Variants in ATP8A2 observed in about 807,000 individuals in gnomAD.
The protein encoded by ATP8A2 is ATPase phospholipid transporting 8A2.
In ATP8A2, 100 loss-of-function variants were observed where a neutral mutation model predicts 165.6. That is an observed-to-expected ratio of 0.60 (90% confidence interval 0.51 to 0.71). The LOEUF (loss-of-function observed/expected upper bound fraction) is 0.71. ATP8A2 is among the 30% of genes least tolerant of loss of function. The probability of loss-of-function intolerance (pLI) is 0.00; values close to 1 mark genes in which losing one functional copy is unlikely to be tolerated. For missense variants in ATP8A2, 1,227 were observed against 1,479.5 expected, an observed-to-expected ratio of 0.83 and a Z score of 2.80; for synonymous variants, 543 against 548.8, an observed-to-expected ratio of 0.99 and a Z score of 0.15.
At chr13:25,527,707 T>A (rs185034990) in intron 2 of ATP8A2, among the ~76,000 whole-genome samples, 7 of 152,278 alleles carry the variant, frequency 4.6e-5, no homozygotes, top group Non-Finnish European at 1.0e-4. Flanking sequence ...CCTCTTATAT[T>A]TCATTTTTTG....
rs2038338260 is a variant in ATP8A2, at chr13:25,537,858, C to T, written c.508-130C>T. The T allele has an allele frequency of 2.3e-5, 12 of 523,896 alleles. No individual in the cohort carries two copies. The South Asian group carries it at 5.3e-4, about 23-fold the overall frequency. The allele number at this position is 523,896 out of a possible 1,614,324, so 32.5% of individuals were successfully genotyped here. A position where few individuals can be genotyped will look rare whatever the true frequency, so the allele number is the denominator to read the frequency against. ...TTCTTGTCAAGGAAAATAATTTGGGCTTCTCTATCTTAAACTTCATGGCTT... is the reference window on the plus strand; with the variant it reads ...TTCTTGTCAAGGAAAATAATTTGGGTTTCTCTATCTTAAACTTCATGGCTT... On this transcript the variant is annotated intron_variant, in intron 6 of 36. Transcript: ENST00000381655.
At chr13:25,384,351 T>G (rs2032962954) in intron 1 of ATP8A2, among the ~76,000 whole-genome samples, 1 of 152,242 alleles carries the variant, frequency 6.6e-6, no homozygotes, top group Non-Finnish European at 1.5e-5. Flanking sequence ...AATCTGACAC[T>G]GGGTCTTTCT....
chr13:25,525,592 G>A (rs192515928), intron 2 of ATP8A2, among the ~76,000 whole-genome samples: 125 of 152,196 alleles, frequency 8.2e-4, no homozygotes, highest in Non-Finnish European at 1.4e-3. Context: ...TTCTTGGATG[G>A]AAATTTTTTT....
At chr13:25,677,678 G>A (rs2042399358) in intron 24 of ATP8A2, among the ~76,000 whole-genome samples, 1 of 152,210 alleles carries the variant, frequency 6.6e-6, no homozygotes, top group Admixed American at 6.5e-5. Flanking sequence ...CAACGGGAGA[G>A]AGATAGGTGG....
intron 24 of ATP8A2, among the ~76,000 whole-genome samples, chr13:25,648,055 C>T (rs373502808): frequency 7.2e-5 from 11 of 152,140 alleles, no homozygotes; most frequent in African/African-American, 1.7e-4. Flanking sequence ...TGCTATTATG[C>T]GTAGGCCAGG....
intron 25 of ATP8A2, among the ~76,000 whole-genome samples, chr13:25,712,219 T>G (rs898736862): frequency 2.6e-5 from 4 of 152,114 alleles, no homozygotes; most frequent in African/African-American, 9.7e-5. Flanking sequence ...CTCTTTGACT[T>G]TTGGCTTAAT....
chr13:25,980,472 C>T (rs556010650), intron 35 of ATP8A2, among the ~76,000 whole-genome samples: 1 of 152,158 alleles, frequency 6.6e-6, no homozygotes, highest in Non-Finnish European at 1.5e-5. Context: ...GGGAGGGATG[C>T]TCGGTGTGAC....
chr13:25,736,913 C>T (rs939790210), intron 25 of ATP8A2, among the ~76,000 whole-genome samples: 3 of 152,098 alleles, frequency 2.0e-5, no homozygotes, highest in Non-Finnish European at 4.4e-5. Context: ...AATGAGATAA[C>T]TATCGATTGG....
chr13:25,774,934 AG>A lies in ATP8A2; in HGVS notation c.2655del (p.Asn886ThrfsTer33), dbSNP rs1593326999. 1 of 1,611,520 alleles carries A rather than the reference AG, an allele frequency of 6.2e-7. No homozygotes were observed. Among genetic ancestry groups the A allele is most frequent in the Non-Finnish European group, 8.5e-7 (1 of 1,177,680 alleles). Reference sequence around the variant, plus strand: ...AAGTGCATCTTGTACTGCTTCTATAAGAACGTGGTCCTGTATATTATTGAGG... The same window carrying A: ...AAGTGCATCTTGTACTGCTTCTATAAAACGTGGTCCTGTATATTATTGAGG... Reference protein sequence around the residue: ...VTKCILYCFYKNVVLYIIELW... With the variant: ...VTKCILYCFYXNVVLYIIELW... On this transcript the variant is annotated frameshift_variant, in exon 27 of 37. Coordinates refer to ENST00000381655, the MANE Select transcript of ATP8A2 (RefSeq NM_016529.6). LOFTEE classifies it high-confidence loss of function.
intron 24 of ATP8A2, among the ~76,000 whole-genome samples, chr13:25,684,525 G>A (rs1164178513): frequency 1.3e-5 from 2 of 152,154 alleles, no homozygotes; most frequent in Non-Finnish European, 2.9e-5. Context: ...TAATCAGTTG[G>A]TGAAAGCACA....
rs578122584 is a variant in ATP8A2, at chr13:25,935,605, G to A, written c.3184-25970G>A. Reference sequence around the variant, plus strand: ...TTCCAGTAATGGTTGAAGGCAAAGCGGGAGCTGGTATATCACATGCAAGGG... The same window carrying A: ...TTCCAGTAATGGTTGAAGGCAAAGCAGGAGCTGGTATATCACATGCAAGGG... On this transcript the variant is annotated intron_variant, in intron 33 of 36. Coordinates refer to ENST00000381655, the MANE Select transcript of ATP8A2 (RefSeq NM_016529.6). 6.8e-4 allele frequency among the ~76,000 whole-genome samples: 104 copies of A among 152,292 alleles called. 1 individual carries two copies. Among genetic ancestry groups the A allele is most frequent in the South Asian group, 3.9e-3 (19 of 4,828 alleles).
chr13:25,948,963 T>C (rs563545908), intron 33 of ATP8A2, among the ~76,000 whole-genome samples: 2 of 152,364 alleles, frequency 1.3e-5, no homozygotes, highest in African/African-American at 4.8e-5. Flanking sequence ...TCCTTGGCCT[T>C]GCAAGAAACA....
At chr13:25,692,691 C>T (rs4770860) in intron 24 of ATP8A2, among the ~76,000 whole-genome samples, 150,864 of 152,302 alleles carry the variant, frequency 0.99, 74,738 homozygotes, top group East Asian at 1. Context: ...AATCAGCAGA[C>T]ACACAACATC....
In ATP8A2 at chr13:26,020,886, G is replaced by A. The variant is rs1050804242; in HGVS notation, c.*901G>A. On this transcript the variant is annotated 3_prime_UTR_variant, in exon 37 of 37. Coordinates refer to ENST00000381655, the MANE Select transcript of ATP8A2 (RefSeq NM_016529.6). ...TCTAAACGTCTCTCTGCCTCTGTCT[G>A]ACATGGGGCCACCCCACAGGTCAGA... is the stretch of plus-strand genomic sequence containing the variant. The A allele has an allele frequency of 2.6e-5, 4 of 152,290 alleles. No individual in the cohort carries two copies. The highest frequency in any genetic ancestry group is 9.6e-5 in the African/African-American group (4 of 41,458). The allele number at this position is 152,290 out of a possible 1,614,324, so 9.4% of individuals were successfully genotyped here. A position where few individuals can be genotyped will look rare whatever the true frequency, so the allele number is the denominator to read the frequency against.
intron 24 of ATP8A2, among the ~76,000 whole-genome samples, chr13:25,602,403 C>T (rs2040410614): frequency 2.6e-5 from 4 of 152,086 alleles, no homozygotes. Flanking sequence ...TGGGAGGGAA[C>T]CATGGGGCTG....
chr13:25,657,598 G>C (rs2041961593), intron 24 of ATP8A2, among the ~76,000 whole-genome samples: 1 of 152,118 alleles, frequency 6.6e-6, no homozygotes, highest in South Asian at 2.1e-4. Flanking sequence ...AATAAATCTT[G>C]GATTAGATGC....
intron 2 of ATP8A2, among the ~76,000 whole-genome samples, chr13:25,475,804 T>C (rs1467424512): frequency 6.6e-6 from 1 of 152,236 alleles, no homozygotes; most frequent in East Asian, 1.9e-4. Context: ...GTTGGTGGCA[T>C]GTGTGTCTTC....
chr13:25,386,880 C>T (rs1433811685), intron 1 of ATP8A2, among the ~76,000 whole-genome samples: 1 of 149,700 alleles, frequency 6.7e-6, no homozygotes, highest in Non-Finnish European at 1.5e-5. Context: ...ACCTGTAGTC[C>T]CAGCTACTTG....
At chr13:25,608,896 T>C (rs1347717662) in intron 24 of ATP8A2, among the ~76,000 whole-genome samples, 1 of 152,194 alleles carries the variant, frequency 6.6e-6, no homozygotes, top group Non-Finnish European at 1.5e-5. Flanking sequence ...ATACAAATCT[T>C]ATATTCTTGG....
Sources: allele counts gnomAD v4.1 joint callset (sites outside exome capture counted in the v4.1 genomes callset), GRCh38; gene constraint gnomAD v4.1.1; transcripts MANE v1.5; gene names NCBI Gene and HGNC (gene_info 2026-07-23, HGNC 2026-07-21).